The following EFCAB11 variants were observed in gnomAD, a reference collection of about 807,000 sequenced individuals.
The protein encoded by EFCAB11 is EF-hand calcium binding domain 11.
In EFCAB11, 14 loss-of-function variants were observed where a neutral mutation model predicts 23.0. The ratio of observed to expected loss-of-function variants is 0.61; its 90% confidence interval spans 0.40 to 0.95. The LOEUF (loss-of-function observed/expected upper bound fraction) is 0.95. EFCAB11 is among the 40% of genes least tolerant of loss of function. EFCAB11 has a pLI of 0.00. For missense variants in EFCAB11, 198 were observed against 195.8 expected, an observed-to-expected ratio of 1.01 and a Z score of -0.07; for synonymous variants, 65 against 66.6, an observed-to-expected ratio of 0.98 and a Z score of 0.11.
chr14:89,938,948 AAAC>A (rs1319822460), intron 3 of EFCAB11, among the ~76,000 whole-genome samples: 6 of 149,878 alleles, frequency 4.0e-5, no homozygotes, highest in Admixed American at 6.6e-5. Flanking sequence ...TCAAAAAACA[AAAC>A]AACAACAACA....
At chr14:89,882,547 TTC>T (rs1035835310) in intron 5 of EFCAB11, among the ~76,000 whole-genome samples, 2 of 152,208 alleles carry the variant, frequency 1.3e-5, no homozygotes, top group Non-Finnish European at 2.9e-5. Context: ...TCTCTTTTTT[TTC>T]TCTCTCTATC....
At chr14:89,833,191 G>A (rs184497857) in intron 5 of EFCAB11, 1 of 150,780 alleles carries the variant, frequency 6.6e-6, no homozygotes, top group Non-Finnish European at 1.5e-5. Flanking sequence ...TTTAAGTAGA[G>A]AGTAGCACAT....
In EFCAB11 at chr14:89,893,655, T is replaced by C. The variant is rs532637284; in HGVS notation, c.410+37886A>G. ...ACTTTATCAGTCTCTGTGGGCTTCA[T>C]TGAGGACACTGTTGTGACATCATAG... On this transcript the variant is annotated intron_variant, in intron 5 of 5. Coordinates refer to ENST00000316738, the MANE Select transcript of EFCAB11 (RefSeq NM_145231.4). 1.2e-4 allele frequency among the ~76,000 whole-genome samples: 18 copies of C among 152,260 alleles called. No individual in the cohort carries two copies. The South Asian group carries it at 2.7e-3, about 23-fold the overall frequency.
At chr14:89,884,802 T>C (rs929553949) in intron 5 of EFCAB11, among the ~76,000 whole-genome samples, 2 of 152,200 alleles carry the variant, frequency 1.3e-5, no homozygotes, top group African/African-American at 2.4e-5. Context: ...GGTGGTGTCT[T>C]TGGGAAGTAA....
intron 5 of EFCAB11, among the ~76,000 whole-genome samples, chr14:89,903,941 T>C (rs922931702): frequency 2.0e-5 from 3 of 152,180 alleles, no homozygotes; most frequent in Non-Finnish European, 2.9e-5. Context: ...TTTTATTAAT[T>C]CTGTTCCTCT....
intron 5 of EFCAB11, among the ~76,000 whole-genome samples, chr14:89,893,323 C>T (rs770899617): frequency 3.9e-5 from 6 of 152,108 alleles, no homozygotes; most frequent in Non-Finnish European, 5.9e-5. Context: ...CTGGGTTTGC[C>T]CCCACCCTAG....
chr14:89,919,123 A>C (rs79098962), intron 5 of EFCAB11, among the ~76,000 whole-genome samples: 4,461 of 152,086 alleles, frequency 0.029, 97 homozygotes, highest in African/African-American at 0.062. Flanking sequence ...CAGGGGATCT[A>C]AGCAAGAGGA....
chr14:89,907,767 G>A (rs559780017), intron 5 of EFCAB11, among the ~76,000 whole-genome samples: 2 of 152,192 alleles, frequency 1.3e-5, no homozygotes. Context: ...CACGGTGGCT[G>A]TATCTATTTG....
At chr14:89,954,208 A>T (rs1233369031) in intron 1 of EFCAB11, 1 of 983,830 alleles carries the variant, frequency 1.0e-6, no homozygotes, top group East Asian at 2.6e-5. Flanking sequence ...TTTCCCTCAA[A>T]GTGCAAACGA....
intron 5 of EFCAB11, among the ~76,000 whole-genome samples, chr14:89,825,525 A>G (rs1886660712): frequency 6.6e-6 from 1 of 152,136 alleles, no homozygotes; most frequent in Admixed American, 6.5e-5. Flanking sequence ...GAGAAAATAA[A>G]CGAAACTAAA....
chr14:89,817,382 A>T (rs1326686402), intron 5 of EFCAB11, among the ~76,000 whole-genome samples: 1 of 152,090 alleles, frequency 6.6e-6, no homozygotes, highest in Non-Finnish European at 1.5e-5. Flanking sequence ...TAAAAAAATT[A>T]GCTAGGCATG....
intron 5 of EFCAB11, among the ~76,000 whole-genome samples, chr14:89,808,370 G>A (rs567175265): frequency 1.3e-5 from 2 of 152,162 alleles, no homozygotes; most frequent in East Asian, 3.8e-4. Context: ...TTACTGTATA[G>A]ATCTTGGTTA....
At chr14:89,924,014 G>T in intron 5 of EFCAB11, 1 of 985,366 alleles carries the variant, frequency 1.0e-6, no homozygotes, top group African/African-American at 1.7e-5. Context: ...ACCCAAGCTG[G>T]TGACAGTCCT....
intron 5 of EFCAB11, among the ~76,000 whole-genome samples, chr14:89,872,778 T>C (rs181908736): frequency 1.3e-5 from 2 of 149,890 alleles, no homozygotes; most frequent in East Asian, 3.9e-4. Flanking sequence ...TGAGAAGAGA[T>C]TAGGACACAC....
intron 5 of EFCAB11, among the ~76,000 whole-genome samples, chr14:89,859,411 C>T (rs1887852800): frequency 6.6e-6 from 1 of 152,220 alleles, no homozygotes; most frequent in South Asian, 2.1e-4. Context: ...TAGTCTGCCT[C>T]CTCAAGGAAC....
intron 5 of EFCAB11, among the ~76,000 whole-genome samples, chr14:89,846,694 A>G (rs10130893): frequency 1 from 152,322 of 152,324 alleles, 76,160 homozygotes; most frequent in Non-Finnish European, 1. Flanking sequence ...GAGACTCCCA[A>G]GACCTTGGCC....
intron 5 of EFCAB11, among the ~76,000 whole-genome samples, chr14:89,909,005 G>A (rs1889579197): frequency 6.6e-6 from 1 of 152,166 alleles, no homozygotes; most frequent in Non-Finnish European, 1.5e-5. Flanking sequence ...GGATCCAGTT[G>A]GTGCTCCAGA....
intron 5 of EFCAB11, among the ~76,000 whole-genome samples, chr14:89,883,277 T>C (rs1021035485): frequency 1.3e-5 from 2 of 152,250 alleles, no homozygotes; most frequent in African/African-American, 4.8e-5. Context: ...TAGAGGAATG[T>C]TTTGTAGTTT....
intron 5 of EFCAB11, among the ~76,000 whole-genome samples, chr14:89,855,364 T>C (rs1411133577): frequency 6.6e-6 from 1 of 151,996 alleles, no homozygotes; most frequent in Non-Finnish European, 1.5e-5. Flanking sequence ...TAGTCCCACC[T>C]ACTCGGGAGG....
Sources: gnomAD v4.1 joint callset for allele counts (sites outside exome capture counted in the v4.1 genomes callset) on GRCh38, gnomAD v4.1.1 for gene constraint, MANE v1.5 for transcripts, NCBI Gene and HGNC (gene_info 2026-07-23, HGNC 2026-07-21) for gene names.